Variants in GNG7 observed in about 807,000 individuals in gnomAD.
GNG7 encodes guanine nucleotide-binding protein G(I)/G(S)/G(O) subunit gamma-7.
Under a neutral mutation model 4.0 loss-of-function variants are expected in GNG7, and 1 was observed. The observed-to-expected ratio is 0.25, with a 90% confidence interval of 0.09 to 1.18. The LOEUF is 1.18. Ranked by LOEUF, GNG7 falls within the 50% of genes most tolerant of loss-of-function variation. The pLI, the probability that GNG7 is intolerant of heterozygous loss-of-function variation, is 0.50. For missense variants in GNG7, 86 were observed against 91.9 expected, an observed-to-expected ratio of 0.94 and a Z score of 0.26; for synonymous variants, 34 against 36.9, an observed-to-expected ratio of 0.92 and a Z score of 0.29.
intron 3 of GNG7, among the ~76,000 whole-genome samples, chr19:2,553,188 C>T (rs1053368373): frequency 2.0e-5 from 3 of 147,624 alleles, no homozygotes; most frequent in Non-Finnish European, 4.5e-5. Context: ...GAAAGGAGGA[C>T]ATTACTACCA....
At chr19:2,686,183 A>G (rs1330320036) in intron 1 of GNG7, among the ~76,000 whole-genome samples, 1 of 148,932 alleles carries the variant, frequency 6.7e-6, no homozygotes, top group Admixed American at 6.7e-5. Flanking sequence ...TTTGAGACAG[A>G]GTCTCACGCT....
chr19:2,560,127 C>A (rs929560444), intron 2 of GNG7, among the ~76,000 whole-genome samples: 2 of 152,170 alleles, frequency 1.3e-5, no homozygotes, highest in Non-Finnish European at 2.9e-5. Context: ...TCTTGTCTCT[C>A]TCTGCGTGTC....
At chr19:2,600,887 T>C (rs2965207) in intron 2 of GNG7, among the ~76,000 whole-genome samples, 21,094 of 152,134 alleles carry the variant, frequency 0.14, 1,886 homozygotes, top group Non-Finnish European at 0.2. Context: ...GTATTCTCTC[T>C]ACTTCACAGA....
intron 2 of GNG7, among the ~76,000 whole-genome samples, chr19:2,619,961 AG>A (rs916296300): frequency 8.7e-5 from 12 of 137,588 alleles, no homozygotes; most frequent in African/African-American, 1.0e-4. Flanking sequence ...TGGGAGGACG[AG>A]GGGGGGGCGC....
chr19:2,601,670 T>C (rs1211340853), intron 2 of GNG7, among the ~76,000 whole-genome samples: 1 of 150,942 alleles, frequency 6.6e-6, no homozygotes, highest in Non-Finnish European at 1.5e-5. Flanking sequence ...CCCAAGCACG[T>C]TGGGAGGCCG....
intron 1 of GNG7, among the ~76,000 whole-genome samples, chr19:2,696,292 G>GAGAAAGAAAAAGAGAGAGAGAGAA (rs1913248091): frequency 9.2e-6 from 1 of 108,512 alleles, no homozygotes; most frequent in African/African-American, 3.7e-5. Context: ...AAGAGAGAGA[G>GAGAAAGAAAAAGAGAGAGAGAGAA]AGAAAGAAAG....
chr19:2,514,729 C>T lies in GNG7; in HGVS notation c.*293G>A, dbSNP rs183962368. On this transcript the variant is annotated 3_prime_UTR_variant, in exon 5 of 5. Transcript: ENST00000382159. ...CCATCGCTGGGGGATTTCAGTTATT[C>T]CGAACGGGAAGTGGCCGTAAAGCCT... is the stretch of plus-strand genomic sequence containing the variant. The T allele has an allele frequency of 2.9e-3, 639 of 223,972 alleles. 3 individuals are homozygous for T. The highest frequency in any genetic ancestry group is 0.013 in the African/African-American group (585 of 43,958). The allele number at this position is 223,972 out of a possible 1,614,324, so 13.9% of individuals were successfully genotyped here.
intron 3 of GNG7, among the ~76,000 whole-genome samples, chr19:2,539,128 T>C (rs930586331): frequency 6.6e-6 from 1 of 152,184 alleles, no homozygotes; most frequent in South Asian, 2.1e-4. Context: ...TTAATACTTG[T>C]AGTTTAGTTA....
chr19:2,571,295 G>A (rs1057327894), intron 2 of GNG7, among the ~76,000 whole-genome samples: 1 of 152,138 alleles, frequency 6.6e-6, no homozygotes, highest in African/African-American at 2.4e-5. Flanking sequence ...GGCATTGTCG[G>A]AACCGAGAAG....
At chr19:2,564,255 C>T (rs1408177622) in intron 2 of GNG7, among the ~76,000 whole-genome samples, 1 of 151,988 alleles carries the variant, frequency 6.6e-6, no homozygotes, top group African/African-American at 2.4e-5. Context: ...GTAGGGTGGG[C>T]CCTAAATCCA....
intron 2 of GNG7, among the ~76,000 whole-genome samples, chr19:2,612,043 T>C (rs1165505661): frequency 1.3e-5 from 2 of 151,736 alleles, no homozygotes; most frequent in South Asian, 4.2e-4. Context: ...CCCAGCTAAT[T>C]TTAGTATTTT....
chr19:2,571,930 G>C (rs1292932056), intron 2 of GNG7, among the ~76,000 whole-genome samples: 1 of 151,958 alleles, frequency 6.6e-6, no homozygotes, highest in East Asian at 1.9e-4. Context: ...ATAAAATATG[G>C]GCTACCTACC....
chr19:2,624,439 G>A (rs1203828766), intron 2 of GNG7, among the ~76,000 whole-genome samples: 1 of 149,718 alleles, frequency 6.7e-6, no homozygotes, highest in African/African-American at 2.5e-5. Context: ...GCTGAGGCAG[G>A]AGAATGGCGA....
At chr19:2,608,997 T>C (rs1345025772) in intron 2 of GNG7, among the ~76,000 whole-genome samples, 1 of 149,234 alleles carries the variant, frequency 6.7e-6, no homozygotes, top group African/African-American at 2.5e-5. Flanking sequence ...CATGCCTACC[T>C]AGTTCTTGTA....
chr19:2,682,880 G>T (rs914815372), intron 1 of GNG7, among the ~76,000 whole-genome samples: 1 of 151,938 alleles, frequency 6.6e-6, no homozygotes, highest in African/African-American at 2.4e-5. Flanking sequence ...GTAGGAGTGA[G>T]GGAGGCATTC....
At chr19:2,629,300 T>C (rs1438502278) in intron 2 of GNG7, among the ~76,000 whole-genome samples, 1 of 152,208 alleles carries the variant, frequency 6.6e-6, no homozygotes, top group Non-Finnish European at 1.5e-5. Flanking sequence ...CTTTCCACTC[T>C]ACCAGTCATC....
chr19:2,657,361 A>AAAAAAAATATATATATAT (rs1555701153), intron 1 of GNG7, among the ~76,000 whole-genome samples: 1 of 16,336 alleles, frequency 6.1e-5, no homozygotes, highest in Non-Finnish European at 1.0e-4. Context: ...AAAAAAAAAA[A>AAAAAAAATATATATATAT]ATATATATAT....
At chr19:2,674,467 G>A (rs1228878154) in intron 1 of GNG7, among the ~76,000 whole-genome samples, 1 of 151,756 alleles carries the variant, frequency 6.6e-6, no homozygotes, top group African/African-American at 2.4e-5. Flanking sequence ...ACAGAGTCTT[G>A]TTCCGTTGCC....
chr19:2,584,601 G>T (rs935595625), intron 2 of GNG7, among the ~76,000 whole-genome samples: 1 of 122,450 alleles, frequency 8.2e-6, no homozygotes, highest in Non-Finnish European at 1.7e-5. Flanking sequence ...GCCTTAAAAA[G>T]AGAGAGAGAG....
Sources: gnomAD v4.1 joint callset for allele counts (sites outside exome capture counted in the v4.1 genomes callset) on GRCh38, gnomAD v4.1.1 for gene constraint, MANE v1.5 for transcripts, NCBI Gene and HGNC (gene_info 2026-07-23, HGNC 2026-07-21) for gene names.